Variants in HNF4G observed in about 807,000 individuals in gnomAD.
HNF4G encodes the protein hepatocyte nuclear factor 4 gamma, also known as hepatocyte nuclear factor 4-gamma.
A neutral mutation model predicts 50.9 loss-of-function variants in HNF4G; 21 were observed. The observed-to-expected ratio is 0.41, with a 90% confidence interval of 0.29 to 0.59. The LOEUF (loss-of-function observed/expected upper bound fraction) is 0.59. Ranked by LOEUF, HNF4G falls within the 20% of genes least tolerant of loss-of-function variation. The probability of loss-of-function intolerance (pLI) is 0.26; values close to 1 mark genes in which losing one functional copy is unlikely to be tolerated. For missense variants in HNF4G, 527 were observed against 559.4 expected (o/e 0.94, Z 0.58); for synonymous variants, 198 against 185.6 (o/e 1.07, Z -0.54).
chr8:75,529,977 T>C (rs948350571), intron 2 of HNF4G, among the ~76,000 whole-genome samples: 21 of 152,008 alleles, frequency 1.4e-4, no homozygotes, highest in Non-Finnish European at 1.5e-4. Flanking sequence ...GCCAGGAGGG[T>C]AATAACAAAG....
At chr8:75,537,627 A>C (rs564745211), upstream of HNF4G, among the ~76,000 whole-genome samples, 2 of 152,248 alleles carry the variant, frequency 1.3e-5, no homozygotes, top group South Asian at 4.1e-4. Context: ...TAAAGTTTAG[A>C]CAATATTTTG....
intron 2 of HNF4G, among the ~76,000 whole-genome samples, chr8:75,490,667 G>A (rs1812605822): frequency 6.6e-6 from 1 of 152,046 alleles, no homozygotes; most frequent in Non-Finnish European, 1.5e-5. Context: ...GAAAAAGATG[G>A]CAAGTGTTTT....
chr8:75,464,892 C>A (rs1811931311), intron 1 of HNF4G, among the ~76,000 whole-genome samples: 1 of 151,970 alleles, frequency 6.6e-6, no homozygotes, highest in Non-Finnish European at 1.5e-5. Context: ...CTAATGAAGT[C>A]CAAATAGGAA....
At chr8:75,434,675 A>AAC (rs36098920) in intron 1 of HNF4G, among the ~76,000 whole-genome samples, 28,364 of 145,626 alleles carry the variant, frequency 0.19, 2,784 homozygotes, top group African/African-American at 0.24. Context: ...CAACAAGGCC[A>AAC]ACACACACAC....
chr8:75,458,369 CTTTTTTTTTTTT>C (rs61411885), intron 1 of HNF4G, among the ~76,000 whole-genome samples: 1 of 117,110 alleles, frequency 8.5e-6, no homozygotes, highest in Non-Finnish European at 1.8e-5. Flanking sequence ...AATGGTCTAA[CTTTTTTTTTTTT>C]TTTTTTTTTT....
At chr8:75,556,973 A>G (rs1304167137) in intron 6 of HNF4G, among the ~76,000 whole-genome samples, 2 of 152,150 alleles carry the variant, frequency 1.3e-5, no homozygotes, top group Non-Finnish European at 2.9e-5. Flanking sequence ...AGAAATGGAG[A>G]CAGAGAAAGT....
intron 1 of HNF4G, among the ~76,000 whole-genome samples, chr8:75,424,727 T>C (rs2980245): frequency 0.71 from 108,230 of 151,644 alleles, 39,667 homozygotes; most frequent in Middle Eastern, 0.83. Context: ...TTTCTTTCTT[T>C]TTTAAGTGGC....
In HNF4G at chr8:75,413,031, G is replaced by A. The variant is rs140149779; in HGVS notation, c.-144+4869G>A. Among the ~76,000 whole-genome samples, 5 of 152,040 alleles carry A rather than the reference G, an allele frequency of 3.3e-5. No homozygotes were observed. The East Asian group carries it at 9.7e-4, about 30-fold the overall frequency. The stretch of plus-strand genomic sequence containing the variant: ...ATGACTTCTGATGAGAACTTGCTGA[G>A]TAGAGAAGAATTAGAAAAGTATTTG... On this transcript the variant is annotated intron_variant, in intron 1 of 10. Coordinates refer to the HNF4G transcript ENST00000354370.
rs567833716 is a variant in HNF4G, at chr8:75,508,274, G to T, written c.-24+18066G>T. Among the ~76,000 whole-genome samples, 4 of 151,884 alleles carry T rather than the reference G, an allele frequency of 2.6e-5. No homozygotes were observed. The East Asian group carries it at 7.7e-4, about 29-fold the overall frequency. ...TTCCATGCCCTATTTGAGAAAATGGGCTGGGCACAAGCCTTGAACAATTTG... is the reference window on the plus strand; with the variant it reads ...TTCCATGCCCTATTTGAGAAAATGGTCTGGGCACAAGCCTTGAACAATTTG... On this transcript the variant is annotated intron_variant, in intron 2 of 10. Coordinates refer to the HNF4G transcript ENST00000354370.
chr8:75,540,442 T>A (rs1439631962), intron 1 of HNF4G, among the ~76,000 whole-genome samples: 2 of 152,164 alleles, frequency 1.3e-5, no homozygotes, highest in African/African-American at 4.8e-5. Context: ...TAAGCAATAT[T>A]TAAAATGACT....
At chr8:75,541,313 C>T (rs1806615552) in intron 1 of HNF4G, among the ~76,000 whole-genome samples, 1 of 152,024 alleles carries the variant, frequency 6.6e-6, no homozygotes, top group African/African-American at 2.4e-5. Flanking sequence ...ATAATGTTGT[C>T]AGCAATATGT....
intron 5 of HNF4G, among the ~76,000 whole-genome samples, chr8:75,555,392 C>T (rs970058279): frequency 4.6e-5 from 7 of 152,182 alleles, no homozygotes; most frequent in South Asian, 2.1e-4. Flanking sequence ...ATTGAGTGTA[C>T]GAATGAAGCT....
intron 1 of HNF4G, among the ~76,000 whole-genome samples, chr8:75,437,770 A>AT: frequency 6.6e-6 from 1 of 152,120 alleles, no homozygotes; most frequent in Admixed American, 6.5e-5. Context: ...ATATAAACTC[A>AT]TTTTTATCAT....
intron 1 of HNF4G, among the ~76,000 whole-genome samples, chr8:75,414,549 TC>T (rs1228330375): frequency 1.3e-5 from 2 of 152,168 alleles, no homozygotes; most frequent in Non-Finnish European, 2.9e-5. Flanking sequence ...TTCCTTGCAT[TC>T]CCTTCCTTCC....
intron 1 of HNF4G, among the ~76,000 whole-genome samples, chr8:75,458,722 G>A (rs997235319): frequency 2.6e-5 from 4 of 152,048 alleles, no homozygotes; most frequent in African/African-American, 9.7e-5. Flanking sequence ...GGCATTCAGG[G>A]GCATAGTTCA....
chr8:75,415,644 T>C (rs1248057608), intron 1 of HNF4G, among the ~76,000 whole-genome samples: 2 of 152,348 alleles, frequency 1.3e-5, no homozygotes, highest in South Asian at 4.1e-4. Flanking sequence ...TGTTTCCCCC[T>C]GGATCAATTT....
At chr8:75,470,139 T>G (rs1812080745) in intron 1 of HNF4G, among the ~76,000 whole-genome samples, 1 of 152,200 alleles carries the variant, frequency 6.6e-6, no homozygotes, top group East Asian at 1.9e-4. Context: ...GGGTGTAATC[T>G]TTGCTCTTAA....
At chr8:75,450,713 C>T (rs1811564192) in intron 1 of HNF4G, among the ~76,000 whole-genome samples, 1 of 152,124 alleles carries the variant, frequency 6.6e-6, no homozygotes, top group South Asian at 2.1e-4. Context: ...AGTGTGTCCC[C>T]CAAAGTTCAT....
chr8:75,545,934 C>T (rs1806766177), intron 2 of HNF4G, among the ~76,000 whole-genome samples: 1 of 152,098 alleles, frequency 6.6e-6, no homozygotes, highest in Admixed American at 6.6e-5. Context: ...TCCTGAGTCT[C>T]ATCAGCCATT....
Sources: gnomAD v4.1 joint callset for allele counts (sites outside exome capture counted in the v4.1 genomes callset) on GRCh38, gnomAD v4.1.1 for gene constraint, MANE v1.5 for transcripts, NCBI Gene and HGNC (gene_info 2026-07-23, HGNC 2026-07-21) for gene names.